Variants in PLEKHJ1 observed in about 807,000 individuals in gnomAD.
PLEKHJ1 encodes pleckstrin homology domain containing J1.
PLEKHJ1 carries 20 observed loss-of-function variants against 21.7 expected under a neutral mutation model. The observed-to-expected ratio is 0.92, with a 90% CI of 0.65 to 1.34. The LOEUF (loss-of-function observed/expected upper bound fraction) is 1.34. Ranked by LOEUF, PLEKHJ1 falls within the 40% of genes most tolerant of loss-of-function variation. The pLI, the probability that PLEKHJ1 is intolerant of heterozygous loss-of-function variation, is 0.00. For missense variants in PLEKHJ1, 241 were observed against 202.0 expected (o/e 1.19, Z -1.17); for synonymous variants, 113 against 80.6 (o/e 1.40, Z -2.15).
chr19:2,230,124 G>A, downstream of PLEKHJ1: 2 of 520,290 alleles, frequency 3.8e-6, no homozygotes, highest in South Asian at 5.9e-5. Flanking sequence ...TGTCTGCAGG[G>A]CGGGCCCGCC....
intron 2 of PLEKHJ1, 42 bp from the exon 3 acceptor site, chr19:2,235,870 G>A (rs762772846): frequency 6.3e-6 from 10 of 1,584,118 alleles, no homozygotes; most frequent in Admixed American, 3.6e-5. Context: ...GTGAGCACCC[G>A]GCCTCCGAGG....
downstream of PLEKHJ1, among the ~76,000 whole-genome samples, chr19:2,232,914 G>A (rs2024663352): frequency 6.6e-6 from 1 of 152,176 alleles, no homozygotes; most frequent in Non-Finnish European, 1.5e-5. Flanking sequence ...CCACACTCCG[G>A]GAGGGCCCGT....
chr19:2,231,328 G>A (rs1163795548), downstream of PLEKHJ1: 1 of 215,382 alleles, frequency 4.6e-6, no homozygotes, highest in African/African-American at 2.3e-5. Flanking sequence ...TGCCAGCCCT[G>A]TGTTCTGGTT....
At chr19:2,230,425 G>A (rs953256705), downstream of PLEKHJ1, 2 of 400,158 alleles carry the variant, frequency 5.0e-6, no homozygotes. Context: ...CCTCCGGGGC[G>A]TGGGTTGCGC....
chr19:2,236,225 C>A lies in PLEKHJ1; in HGVS notation c.24G>T (p.Leu8=), dbSNP rs1278518667. The part of the protein sequence containing the change: MRYNEKE[L]QALSRQPAEM... ...CGGCCGGCTGCCGGGACAGAGCCTG[C>A]AGCTCCTTCTCGTTGTACCGCATGG... Residue 8 remains leucine, a synonymous_variant, in exon 1 of 6, where the codon CTG becomes CTT. Transcript: ENST00000326631. 1.4e-6 allele frequency: 2 copies of A among 1,462,942 alleles called. No homozygotes were observed. The highest frequency in any genetic ancestry group is 1.8e-6 in the Non-Finnish European group (2 of 1,111,890). The allele number at this position is 1,462,942 out of a possible 1,614,324, so 90.6% of individuals were successfully genotyped here. A position where few individuals can be genotyped will look rare whatever the true frequency, so the allele number is the denominator to read the frequency against.
downstream of PLEKHJ1, chr19:2,230,058 G>A (rs1402355078): frequency 4.9e-6 from 3 of 608,212 alleles, no homozygotes; most frequent in South Asian, 2.1e-5. Flanking sequence ...AGTGGTAAAA[G>A]GCAACTTATT....
At chr19:2,230,921 G>C (rs2024571216), downstream of PLEKHJ1, 1 of 282,514 alleles carries the variant, frequency 3.5e-6, no homozygotes, top group Non-Finnish European at 6.6e-6. Flanking sequence ...AGCCTGTGCT[G>C]GTTCTCCCAG....
rs2024712453 is a variant in PLEKHJ1 at position 2,234,209 on chromosome 19, G to C, written c.261C>G (p.His87Gln). 6.2e-7 allele frequency: 1 copy of C among 1,613,044 alleles called. No individual in the cohort carries two copies. Among genetic ancestry groups the C allele is most frequent in the Non-Finnish European group, 8.5e-7 (1 of 1,179,992 alleles). The change falls in exon 4 of 6, where the codon CAC (histidine) becomes CAG (glutamine). Residue 87 changes from histidine (H) to glutamine (Q), a missense_variant. Transcript: ENST00000326631. Reference sequence around the variant, plus strand: ...ACTGCTCCTCGCTGCTGCACTCAAAGTGATACTTCCTCTCAGGGTCCTCAA... The same window carrying C: ...ACTGCTCCTCGCTGCTGCACTCAAACTGATACTTCCTCTCAGGGTCCTCAA... ...SFIEDPERKY[H>Q]FECSSEEQCQ...
rs1216281396 is a variant in PLEKHJ1 at position 2,236,271 on chromosome 19, C to G, written c.-23G>C. 3.4e-5 allele frequency: 46 copies of G among 1,337,500 alleles called. No individual in the cohort carries two copies. Among genetic ancestry groups the G allele is most frequent in the Non-Finnish European group, 4.2e-5 (44 of 1,040,612 alleles). The allele number at this position is 1,337,500 out of a possible 1,614,324, so 82.9% of individuals were successfully genotyped here. A position where few individuals can be genotyped will look rare whatever the true frequency, so the allele number is the denominator to read the frequency against. On this transcript the variant is annotated 5_prime_UTR_variant, in exon 1 of 6. Coordinates refer to ENST00000326631, the MANE Select transcript of PLEKHJ1 (RefSeq NM_018049.3). ...CATGGCTCCGCGGGGAACGGGAACCCGGGCCGCGCCCTCCCGGCCGCCGTC... is the reference window on the plus strand; with the variant it reads ...CATGGCTCCGCGGGGAACGGGAACCGGGGCCGCGCCCTCCCGGCCGCCGTC...
At chr19:2,230,760 T>C (rs2024565626), downstream of PLEKHJ1, 5 of 396,730 alleles carry the variant, frequency 1.3e-5, no homozygotes, top group Admixed American at 1.3e-4. Context: ...AAAAACCTTA[T>C]TTATTCAAAC....
downstream of PLEKHJ1, chr19:2,230,088 A>C: frequency 1.7e-6 from 1 of 583,526 alleles, no homozygotes; most frequent in East Asian, 2.9e-5. Flanking sequence ...AAATATCTAT[A>C]TATGAGAGCT....
At chr19:2,236,052 C>T (rs2024801857) in intron 1 of PLEKHJ1, 62 bp from the exon 2 acceptor site, 1 of 1,473,926 alleles carries the variant, frequency 6.8e-7, no homozygotes. Flanking sequence ...GGCCTCCCGT[C>T]CCCGGCGCCC....
At chr19:2,231,086 A>G, downstream of PLEKHJ1, 1 of 231,914 alleles carries the variant, frequency 4.3e-6, no homozygotes. Context: ...TGTAGCAGGC[A>G]GGCAGGGCCA....
In PLEKHJ1 at chr19:2,234,173, C is replaced by A. The variant is rs200245990; in HGVS notation, c.297G>T (p.Trp99Cys). The change falls in exon 4 of 6, where the codon TGG (tryptophan) becomes TGT (cysteine). Residue 99 changes from tryptophan to cysteine, a missense_variant. Transcript: ENST00000326631. The part of the protein sequence containing the change: ...ECSSEEQCQE[W>C]MEALRRASYE... ...ACCTGGCCCGACGCAGAGCCTCCAT[C>A]CACTCCTGACACTGCTCCTCGCTGC... 1.3e-5 allele frequency: 21 copies of A among 1,613,026 alleles called. No individual in the cohort carries two copies. Among genetic ancestry groups the A allele is most frequent in the Non-Finnish European group, 1.7e-5 (20 of 1,180,014 alleles).
downstream of PLEKHJ1, chr19:2,231,599 C>T (rs1036983707): frequency 1.9e-5 from 4 of 208,434 alleles, no homozygotes; most frequent in Non-Finnish European, 2.9e-5. Flanking sequence ...CTCCCCACCC[C>T]ACGTTGGTGC....
chr19:2,233,884 T>C lies in PLEKHJ1; in HGVS notation c.406A>G (p.Ile136Val), dbSNP rs761938644. Residue 136 changes from isoleucine to valine, a missense_variant, in exon 6 of 6, where the codon ATA becomes GTA. Coordinates refer to ENST00000326631, the MANE Select transcript of PLEKHJ1 (RefSeq NM_018049.3). ...AGCTGGAACCTGGCCTCCTCGGATATGCCGAACTGTTCCAGGGGGTCCTGT... is the reference window on the plus strand; with the variant it reads ...AGCTGGAACCTGGCCTCCTCGGATACGCCGAACTGTTCCAGGGGGTCCTGT... ...TGKDPLEQFG[I>V]SEEARFQLSG... 2 of 1,612,496 alleles carry C rather than the reference T, an allele frequency of 1.2e-6. No homozygotes were observed. Among genetic ancestry groups the C allele is most frequent in the Non-Finnish European group, 1.7e-6 (2 of 1,179,832 alleles).
intron 3 of PLEKHJ1, chr19:2,235,285 C>T (rs76064118): frequency 0.041 from 6,418 of 157,140 alleles, 178 homozygotes; most frequent in East Asian, 0.13. Context: ...AGCCACCTGG[C>T]CTGTGGAATT....
rs753732760 is a variant in PLEKHJ1, at chr19:2,234,145, C to T, written c.320+5G>A. On this transcript the variant is annotated splice_donor_5th_base_variant and intron_variant, in intron 4 of 5. Coordinates refer to ENST00000326631, the MANE Select transcript of PLEKHJ1 (RefSeq NM_018049.3). The stretch of plus-strand genomic sequence containing the variant: ...CCAGCAGTGCCCACCACCGCCTGGC[C>T]CCACCTGGCCCGACGCAGAGCCTCC... 5 of 1,612,294 alleles carry T rather than the reference C, an allele frequency of 3.1e-6. No individual in the cohort carries two copies. The highest frequency in any genetic ancestry group is 3.3e-5 in the Admixed American group (2 of 60,028).
At chr19:2,230,464 A>T (rs894651848), downstream of PLEKHJ1, 1 of 399,066 alleles carries the variant, frequency 2.5e-6, no homozygotes, top group African/African-American at 2.1e-5. Context: ...CTGCGCGGTG[A>T]CGCAGCTGGC....
Sources: allele counts gnomAD v4.1 joint callset (sites outside exome capture counted in the v4.1 genomes callset), GRCh38; gene constraint gnomAD v4.1.1; transcripts MANE v1.5; gene names NCBI Gene and HGNC (gene_info 2026-07-23, HGNC 2026-07-21).